Variants in GATAD2B observed in about 807,000 individuals in gnomAD.
GATAD2B encodes the protein transcriptional repressor p66-beta.
In GATAD2B, 8 loss-of-function variants were observed where a neutral mutation model predicts 64.3. That is an observed-to-expected ratio of 0.12 (90% CI 0.07 to 0.22). GATAD2B has a LOEUF of 0.22. Ranked by LOEUF, GATAD2B falls within the 10% of genes least tolerant of loss-of-function variation. The pLI is 1.00. For missense variants in GATAD2B, 453 were observed against 752.0 expected (o/e 0.60, Z 4.65); for synonymous variants, 281 against 271.3 (o/e 1.04, Z -0.35).
intron 1 of GATAD2B, among the ~76,000 whole-genome samples, chr1:153,851,745 CCAGAG>C (rs535296674): frequency 3.9e-4 from 59 of 152,162 alleles, no homozygotes; most frequent in African/African-American, 1.3e-3. Flanking sequence ...TCAGATCATA[CCAGAG>C]CAGACACCAG....
rs1674493610 is a variant in GATAD2B at position 153,816,720 on chromosome 1, T to C, written c.901-132A>G. 3.3e-6 allele frequency: 2 copies of C among 612,062 alleles called. No individual in the cohort carries two copies. Among genetic ancestry groups the C allele is most frequent in the Non-Finnish European group, 5.8e-6 (2 of 345,790 alleles). The allele number at this position is 612,062 out of a possible 1,614,324, so 37.9% of individuals were successfully genotyped here. On this transcript the variant is annotated intron_variant, in intron 6 of 10. Coordinates refer to ENST00000368655, the MANE Select transcript of GATAD2B (RefSeq NM_020699.4). The surrounding 1 kb of genome is among the most constrained non-coding windows in gnomAD (Gnocchi z 4.9). ...TCTCCAAAAATAGGAGGTGGTCAACTTATTTATTGAAAAAGAACTCTGACA... is the reference window on the plus strand; with the variant it reads ...TCTCCAAAAATAGGAGGTGGTCAACCTATTTATTGAAAAAGAACTCTGACA...
intron 1 of GATAD2B, among the ~76,000 whole-genome samples, chr1:153,917,361 G>T (rs1042277294): frequency 2.7e-5 from 4 of 148,810 alleles, no homozygotes; most frequent in African/African-American, 9.9e-5. Flanking sequence ...CTCCCAAAGT[G>T]CTGGGATTTC....
chr1:153,828,505 AACTAAGCT>A (rs1278429038), intron 1 of GATAD2B, among the ~76,000 whole-genome samples, 157 bp from the exon 2 acceptor site: 2 of 151,564 alleles, frequency 1.3e-5, no homozygotes, highest in African/African-American at 4.9e-5. Flanking sequence ...GTTCAAAGTT[AACTAAGCT>A]ATGTCCTACC....
Position 153,816,313 on chromosome 1 carries a change from T to C in GATAD2B, c.1176A>G (p.Val392=), listed in dbSNP as rs753438273. Residue 392 remains valine, a synonymous_variant, in exon 7 of 11, where the codon GTA becomes GTG. Coordinates refer to ENST00000368655, the MANE Select transcript of GATAD2B (RefSeq NM_020699.4). This position sits in a 1 kb window ranked among gnomAD's most constrained non-coding sequence, Gnocchi z 4.9. ...CACTCTGTACGACTTCTTCCAAGCC[T>C]ACCATGTAGATGAACTCGCTATTGG... ...SAANSEFIYM[V]GLEEVVQSVI... The C allele has an allele frequency of 2.5e-6, 4 of 1,613,910 alleles. No homozygotes were observed. Among genetic ancestry groups the C allele is most frequent in the Non-Finnish European group, 3.4e-6 (4 of 1,179,756 alleles).
intron 1 of GATAD2B, chr1:153,852,525 T>A (rs1675936966): frequency 1.3e-6 from 1 of 766,420 alleles, no homozygotes; most frequent in Admixed American, 1.7e-5. Flanking sequence ...ATCAGTATCA[T>A]CGTATCCAAT....
At chr1:153,810,862 C>T (rs757535648) in intron 10 of GATAD2B, among the ~76,000 whole-genome samples, 8 of 152,300 alleles carry the variant, frequency 5.3e-5, no homozygotes, top group South Asian at 4.1e-4. Flanking sequence ...CTCCCAAGTT[C>T]AAGCGATTCT....
Position 153,853,134 on chromosome 1 carries a change from C to G in GATAD2B, c.-1-24786G>C, listed in dbSNP as rs541798900. The G allele has an allele frequency of 1.4e-4, 197 of 1,439,308 alleles. No homozygotes were observed. The African/African-American group carries it at 2.5e-3, about 18-fold the overall frequency. The allele number at this position is 1,439,308 out of a possible 1,614,324, so 89.2% of individuals were successfully genotyped here. A position where few individuals can be genotyped will look rare whatever the true frequency, so the allele number is the denominator to read the frequency against. On this transcript the variant is annotated intron_variant, in intron 1 of 10. Coordinates refer to ENST00000368655, the MANE Select transcript of GATAD2B (RefSeq NM_020699.4). ...TGATGGCTGATTCAGAATAGGCAGT[C>G]TCTCCTCAATCCTGTCTAGCCCCTT...
At chr1:153,888,249 G>C (rs1029274247) in intron 1 of GATAD2B, among the ~76,000 whole-genome samples, 4 of 152,000 alleles carry the variant, frequency 2.6e-5, no homozygotes, top group African/African-American at 9.7e-5. Flanking sequence ...AAGGCAACTG[G>C]GGGATTCCAC....
intron 1 of GATAD2B, chr1:153,852,257 TA>T: frequency 8.1e-7 from 1 of 1,231,074 alleles, no homozygotes; most frequent in Non-Finnish European, 1.2e-6. Flanking sequence ...TCAAGTCATC[TA>T]AAGATTCCTT....
At chr1:153,883,551 C>A (rs1174779560) in intron 1 of GATAD2B, among the ~76,000 whole-genome samples, 1 of 152,202 alleles carries the variant, frequency 6.6e-6, no homozygotes, top group Non-Finnish European at 1.5e-5. Flanking sequence ...TCTTCTCATT[C>A]ATCACATTTC....
intron 1 of GATAD2B, among the ~76,000 whole-genome samples, chr1:153,844,185 G>T (rs1416843892): frequency 4.6e-5 from 7 of 152,098 alleles, no homozygotes; most frequent in Non-Finnish European, 1.0e-4. Context: ...ATCAGCACAT[G>T]TGACTGAGGA....
chr1:153,839,828 G>T (rs1205694392), intron 1 of GATAD2B, among the ~76,000 whole-genome samples: 1 of 151,650 alleles, frequency 6.6e-6, no homozygotes, highest in African/African-American at 2.4e-5. Context: ...AAAATTAGCT[G>T]GGCTGGTGGC....
intron 1 of GATAD2B, among the ~76,000 whole-genome samples, chr1:153,867,814 G>A (rs1465117089): frequency 4.0e-5 from 6 of 151,578 alleles, no homozygotes; most frequent in Admixed American, 1.3e-4. Flanking sequence ...GAGCCAACAC[G>A]GTGCCACTGC....
chr1:153,820,372 A>C (rs935592969), intron 2 of GATAD2B, among the ~76,000 whole-genome samples: 4 of 152,190 alleles, frequency 2.6e-5, no homozygotes, highest in African/African-American at 9.7e-5. Flanking sequence ...TATTTACTAG[A>C]TAACTCTCAT....
rs769572815 is a variant in GATAD2B at position 153,810,169 on chromosome 1, A to C, written c.*8T>G. ...TTCAAGGATGGGGCAGTACAAGTGG[A>C]ACAGGCGTTATTTCTGTCCACTGAT... On this transcript the variant is annotated 3_prime_UTR_variant, in exon 11 of 11. Transcript: ENST00000368655. 2.5e-6 allele frequency: 4 copies of C among 1,606,930 alleles called. No individual in the cohort carries two copies. Among genetic ancestry groups the C allele is most frequent in the Admixed American group, 1.7e-5 (1 of 58,490 alleles).
chr1:153,817,247 C>T (rs1317382050), intron 6 of GATAD2B, 125 bp downstream of exon 6: 1 of 904,322 alleles, frequency 1.1e-6, no homozygotes, highest in African/African-American at 1.7e-5. Flanking sequence ...AAATCCCTAC[C>T]AAAATAACCA....
intron 1 of GATAD2B, among the ~76,000 whole-genome samples, chr1:153,843,743 C>G (rs1334688180): frequency 6.7e-6 from 1 of 150,184 alleles, no homozygotes; most frequent in Non-Finnish European, 1.5e-5. Flanking sequence ...CTGCAATTTC[C>G]ACTTCTGGTC....
chr1:153,921,413 G>A (rs144188062), intron 1 of GATAD2B, among the ~76,000 whole-genome samples: 1,557 of 152,276 alleles, frequency 0.01, 28 homozygotes, highest in African/African-American at 0.035. Context: ...AACTACAAAA[G>A]CATCAGCTCT....
At chr1:153,897,470 G>A (rs12401565) in intron 1 of GATAD2B, among the ~76,000 whole-genome samples, 45,032 of 152,122 alleles carry the variant, frequency 0.3, 6,861 homozygotes, top group Admixed American at 0.39. Context: ...GAACAAAAGA[G>A]AGTTACCTCA....
Sources: allele counts gnomAD v4.1 joint callset (sites outside exome capture counted in the v4.1 genomes callset), GRCh38; gene constraint gnomAD v4.1.1; non-coding constraint Gnocchi (gnomAD v3.1); transcripts MANE v1.5; gene names NCBI Gene and HGNC (gene_info 2026-07-23, HGNC 2026-07-21).